The following COQ2 variants were observed in gnomAD, a reference collection of about 807,000 sequenced individuals.
COQ2 encodes the protein 4-hydroxybenzoate polyprenyltransferase, mitochondrial.
Under a neutral mutation model 35.7 loss-of-function variants are expected in COQ2, and 25 were observed. The ratio of observed to expected loss-of-function variants is 0.70; its 90% CI spans 0.51 to 0.98. The LOEUF is 0.98. Among genes scored for constraint, COQ2 ranks in the 50% least tolerant of loss-of-function variants. The probability of loss-of-function intolerance (pLI) is 0.00; values close to 1 mark genes in which losing one functional copy is unlikely to be tolerated. For missense variants in COQ2, 488 were observed against 473.5 expected, an observed-to-expected ratio of 1.03 and a Z score of -0.28; for synonymous variants, 206 against 186.2, an observed-to-expected ratio of 1.11 and a Z score of -0.86.
At chr4:83,273,704 G>A in intron 2 of COQ2, 87 bp from the exon 3 acceptor site, 1 of 1,261,192 alleles carries the variant, frequency 7.9e-7, no homozygotes, top group Non-Finnish European at 1.1e-6. Flanking sequence ...GCCCATGGTA[G>A]GCACAAATAT....
At chr4:83,278,183 GATT>G (rs1210681511) in intron 2 of COQ2, among the ~76,000 whole-genome samples, 3 of 152,028 alleles carry the variant, frequency 2.0e-5, no homozygotes, top group African/African-American at 7.2e-5. Flanking sequence ...AATTTCAATT[GATT>G]ATTTACTCAA....
At chr4:83,281,864 C>T (rs1249571580) in intron 1 of COQ2, among the ~76,000 whole-genome samples, 3 of 152,274 alleles carry the variant, frequency 2.0e-5, no homozygotes, top group South Asian at 2.1e-4. Context: ...TGGCTGCAGT[C>T]TGTGTCCTAA....
intron 1 of COQ2, chr4:83,283,450 T>C: frequency 2.0e-6 from 2 of 985,434 alleles, no homozygotes; most frequent in Non-Finnish European, 2.4e-6. Flanking sequence ...CACTCCACCC[T>C]TGGGTCTTTG....
chr4:83,267,000 T>G, intron 6 of COQ2: 2 of 335,354 alleles, frequency 6.0e-6, no homozygotes, highest in Non-Finnish European at 1.2e-5. Flanking sequence ...ATCACTGAAA[T>G]TTTTCCAGAC....
chr4:83,285,016 CGATCTT>C, upstream of COQ2: 1 of 823,364 alleles, frequency 1.2e-6, no homozygotes, highest in South Asian at 1.8e-5. Context: ...TTTTACAACT[CGATCTT>C]GATTGACTTT....
At position 83,263,957 on chromosome 4, in the gene COQ2, A is replaced by G; in HGVS notation, c.*242T>C. ...TGCAATCCCCATAACTTCAGGTGAG[A>G]ATTATAATGGGCAGAAGAATGTATC... On this transcript the variant is annotated 3_prime_UTR_variant, in exon 7 of 7. Transcript: ENST00000647002. The G allele has an allele frequency of 3.6e-6, 1 of 278,456 alleles. No homozygotes were observed. Among genetic ancestry groups the G allele is most frequent in the Non-Finnish European group, 6.6e-6 (1 of 150,970 alleles). 17.2% of individuals were successfully genotyped at this position (278,456 alleles called of 1,614,324 possible). A position where few individuals can be genotyped will look rare whatever the true frequency, so the allele number is the denominator to read the frequency against.
chr4:83,271,008 C>A (rs1735034803), intron 4 of COQ2, among the ~76,000 whole-genome samples: 1 of 152,178 alleles, frequency 6.6e-6, no homozygotes, highest in African/African-American at 2.4e-5. Context: ...AACTTTCCCA[C>A]AAATCAGGCT....
In COQ2 at chr4:83,267,779, T is replaced by A; in HGVS notation, c.763-5A>T. ...CAAAACATCATCTCTTTTGTCCTAA[T>A]ATCAGAAAGAAAAATAAACTGTTTT... On this transcript the variant is annotated splice_region_variant and splice_polypyrimidine_tract_variant and intron_variant, in intron 5 of 6. Coordinates refer to ENST00000647002, the MANE Select transcript of COQ2 (RefSeq NM_001358921.2). 1 of 1,532,184 alleles carries A rather than the reference T, an allele frequency of 6.5e-7. No individual in the cohort carries two copies. The highest frequency in any genetic ancestry group is 1.2e-5 in the South Asian group (1 of 80,568). The allele number at this position is 1,532,184 out of a possible 1,614,324, so 94.9% of individuals were successfully genotyped here.
intron 3 of COQ2, 60 bp from the exon 4 acceptor site, chr4:83,272,232 T>C: frequency 1.0e-6 from 1 of 969,138 alleles, no homozygotes. Context: ...AACCACGAAA[T>C]ACTTTAAGAC....
At chr4:83,279,215 G>A in intron 1 of COQ2, 101 bp from the exon 2 acceptor site, 3 of 1,340,684 alleles carry the variant, frequency 2.2e-6, no homozygotes, top group Non-Finnish European at 2.9e-6. Context: ...AACACTATAA[G>A]TCAAAAAAAC....
chr4:83,265,581 A>AAACAAC (rs144320009), intron 6 of COQ2, among the ~76,000 whole-genome samples: 14 of 151,662 alleles, frequency 9.2e-5, no homozygotes, highest in African/African-American at 2.9e-4. Context: ...GTTTCAAAAC[A>AAACAAC]AACAACAACA....
At chr4:83,271,382 G>A (rs1735044181) in intron 4 of COQ2, among the ~76,000 whole-genome samples, 1 of 152,180 alleles carries the variant, frequency 6.6e-6, no homozygotes, top group Non-Finnish European at 1.5e-5. Context: ...CACAGAATAC[G>A]AGCTGTCTAA....
rs1410473685 is a variant in COQ2 at position 83,284,655 on chromosome 4, G to A, written c.110C>T (p.Ala37Val). 1.0e-5 allele frequency: 15 copies of A among 1,454,956 alleles called. 1 individual carries two copies. The African/African-American group carries it at 1.3e-4, about 13-fold the overall frequency. The allele number at this position is 1,454,956 out of a possible 1,614,324, so 90.1% of individuals were successfully genotyped here. The change falls in exon 1 of 7, where the codon GCG becomes GTG. Residue 37 changes from alanine to valine, a missense_variant. Transcript: ENST00000647002. ...RSFALARAAG[A>V]PHGGDLQPPA... The stretch of plus-strand genomic sequence containing the variant: ...GGGCTGCAAGTCACCACCGTGGGGC[G>A]CGCCTGCCGCACGCGCCAGGGCGAA...
chr4:83,267,590 T>C lies in COQ2; in HGVS notation c.947A>G (p.His316Arg). 1 of 1,560,168 alleles carries C rather than the reference T, an allele frequency of 6.4e-7. No homozygotes were observed. The highest frequency in any genetic ancestry group is 1.2e-5 in the South Asian group (1 of 81,056). ...CAAATAAGAAAAAGGTCAAACCTGGTGAGTCAGATGGGCTCCTACAGCACC... is the reference window on the plus strand; with the variant it reads ...CAAATAAGAAAAAGGTCAAACCTGGCGAGTCAGATGGGCTCCTACAGCACC... ...ALGAVGAHLT[H>R]QIYTLDIHRP... Residue 316 changes from histidine to arginine, a missense_variant, in exon 6 of 7, where the codon CAC becomes CGC. Coordinates refer to ENST00000647002, the MANE Select transcript of COQ2 (RefSeq NM_001358921.2).
intron 3 of COQ2, among the ~76,000 whole-genome samples, chr4:83,272,644 C>A (rs1735075755): frequency 6.6e-6 from 1 of 152,290 alleles, no homozygotes; most frequent in South Asian, 2.1e-4. Context: ...TATCAACCAC[C>A]AAATGTTAAC....
Position 83,269,957 on chromosome 4 carries a change from G to T in COQ2, c.665C>A (p.Ser222Tyr). 1 of 1,613,166 alleles carries T rather than the reference G, an allele frequency of 6.2e-7. No homozygotes were observed. Among genetic ancestry groups the T allele is most frequent in the Non-Finnish European group, 8.5e-7 (1 of 1,179,592 alleles). Residue 222 changes from serine (S) to tyrosine (Y), a missense_variant, in exon 5 of 7, where the codon TCT becomes TAT. Coordinates refer to ENST00000647002, the MANE Select transcript of COQ2 (RefSeq NM_001358921.2). The part of the protein sequence containing the change: ...TFNWGALLGW[S>Y]AIKGSCDPSV... Reference sequence around the variant, plus strand: ...TGGATCACAGGAACCCTTGATAGCAGACCATCCAAGTAACGCTCCCCAATT... The same window carrying T: ...TGGATCACAGGAACCCTTGATAGCATACCATCCAAGTAACGCTCCCCAATT...
intron 1 of COQ2, chr4:83,284,081 G>A: frequency 1.0e-6 from 1 of 985,448 alleles, no homozygotes; most frequent in Non-Finnish European, 1.2e-6. Context: ...GTCTTTGTGG[G>A]CCTTACAAGA....
chr4:83,277,778 T>C (rs1017951323), intron 2 of COQ2, among the ~76,000 whole-genome samples: 16 of 152,178 alleles, frequency 1.1e-4, no homozygotes, highest in African/African-American at 3.9e-4. Flanking sequence ...GAGACCAGCC[T>C]GACCAACGTG....
intron 5 of COQ2, among the ~76,000 whole-genome samples, chr4:83,269,250 A>G (rs891718437): frequency 6.6e-6 from 1 of 152,200 alleles, no homozygotes; most frequent in Non-Finnish European, 1.5e-5. Flanking sequence ...TAATTATGGT[A>G]CATCGAATTT....
Sources: allele counts gnomAD v4.1 joint callset (sites outside exome capture counted in the v4.1 genomes callset), GRCh38; gene constraint gnomAD v4.1.1; transcripts MANE v1.5; gene names NCBI Gene and HGNC (gene_info 2026-07-23, HGNC 2026-07-21).